Variants in CDC42BPA observed in about 807,000 individuals in gnomAD.
CDC42BPA encodes CDC42 binding protein kinase alpha.
A neutral mutation model predicts 223.5 loss-of-function variants in CDC42BPA; 80 were observed. The observed-to-expected ratio is 0.36, with a 90% CI of 0.30 to 0.43. The LOEUF (loss-of-function observed/expected upper bound fraction) is 0.43. Among genes scored for constraint, CDC42BPA ranks in the 20% least tolerant of loss-of-function variants. The pLI is 1.00. For missense variants in CDC42BPA, 1,743 were observed against 2,099.9 expected (o/e 0.83, Z 3.32); for synonymous variants, 694 against 718.6 (o/e 0.97, Z 0.55).
At chr1:227,059,515 TAAA>T (rs1675356100) in intron 21 of CDC42BPA, 2 of 1,035,702 alleles carry the variant, frequency 1.9e-6, no homozygotes, top group African/African-American at 3.2e-5. Flanking sequence ...AACATACATA[TAAA>T]GCCACAGTTT....
chr1:227,191,875 T>C (rs1669769613), intron 5 of CDC42BPA, among the ~76,000 whole-genome samples: 1 of 151,800 alleles, frequency 6.6e-6, no homozygotes, highest in African/African-American at 2.4e-5. Flanking sequence ...TCCCAACACT[T>C]TGGGAGGCTG....
chr1:227,019,762 AAAG>A (rs1208675939), intron 32 of CDC42BPA, among the ~76,000 whole-genome samples: 4 of 152,208 alleles, frequency 2.6e-5, no homozygotes, highest in African/African-American at 9.6e-5. Flanking sequence ...TAATATTTTG[AAAG>A]AAGTATTACT....
chr1:227,140,555 G>A (rs998033507), intron 9 of CDC42BPA, among the ~76,000 whole-genome samples: 5 of 152,028 alleles, frequency 3.3e-5, no homozygotes, highest in African/African-American at 1.2e-4. Context: ...GCCCAGAAAG[G>A]AGGCCTGTGT....
intron 1 of CDC42BPA, among the ~76,000 whole-genome samples, chr1:227,261,357 C>A (rs1471538032): frequency 1.3e-5 from 2 of 150,748 alleles, no homozygotes; most frequent in East Asian, 3.9e-4. Flanking sequence ...TTCAGGTGAT[C>A]TGCCTGCCTT....
chr1:227,260,690 A>G (rs137903188), intron 1 of CDC42BPA, among the ~76,000 whole-genome samples: 1 of 151,292 alleles, frequency 6.6e-6, no homozygotes, highest in East Asian at 1.9e-4. Flanking sequence ...GGAGCAAGAA[A>G]TTTTAACCTT....
chr1:227,164,680 G>GCATGAGCGCACACACACGTGCA (rs1664712874), intron 5 of CDC42BPA, among the ~76,000 whole-genome samples: 1 of 151,990 alleles, frequency 6.6e-6, no homozygotes, highest in African/African-American at 2.4e-5. Flanking sequence ...AAGTGCGTGC[G>GCATGAGCGCACACACACGTGCA]CATGAGCGCA....
chr1:227,081,091 T>A, intron 16 of CDC42BPA, 74 bp from the exon 17 acceptor site: 1 of 1,484,344 alleles, frequency 6.7e-7, no homozygotes, highest in Non-Finnish European at 9.3e-7. Context: ...TATTGTCAAA[T>A]TTGATTACTC....
At chr1:227,268,659 T>C (rs962436505) in intron 1 of CDC42BPA, among the ~76,000 whole-genome samples, 6 of 146,666 alleles carry the variant, frequency 4.1e-5, no homozygotes, top group African/African-American at 1.5e-4. Flanking sequence ...TGTGTATATA[T>C]ATATATACAT....
At chr1:227,236,782 A>G (rs546665033) in intron 2 of CDC42BPA, among the ~76,000 whole-genome samples, 6 of 152,284 alleles carry the variant, frequency 3.9e-5, no homozygotes, top group African/African-American at 1.4e-4. Context: ...GGCATATCAT[A>G]TAAGGCCGGG....
intron 2 of CDC42BPA, among the ~76,000 whole-genome samples, chr1:227,252,472 T>A (rs2148258031): frequency 6.6e-6 from 1 of 152,156 alleles, no homozygotes; most frequent in East Asian, 1.9e-4. Context: ...AGGAAAAAAA[T>A]AATAACAATC....
rs1661023976 is a variant in CDC42BPA at position 226,993,644 on chromosome 1, ATC to A, written c.*622_*623del. On this transcript the variant is annotated 3_prime_UTR_variant, in exon 37 of 37. Transcript: ENST00000366766. ...ACAACATATTTCTTTAAATTAAATC[ATC>A]TCTCTTATATATGCATCCATCTTTT... The A allele has an allele frequency of 6.6e-6, 1 of 152,622 alleles. No homozygotes were observed. The highest frequency in any genetic ancestry group is 1.5e-5 in the Non-Finnish European group (1 of 68,054). 9.5% of individuals were successfully genotyped at this position (152,622 alleles called of 1,614,324 possible).
At chr1:227,231,027 G>A (rs990154613) in intron 2 of CDC42BPA, among the ~76,000 whole-genome samples, 1 of 151,690 alleles carries the variant, frequency 6.6e-6, no homozygotes, top group South Asian at 2.1e-4. Flanking sequence ...TGGTACATGT[G>A]CACAACGTGC....
intron 19 of CDC42BPA, 150 bp downstream of exon 19, chr1:227,073,714 A>G: frequency 1.7e-6 from 1 of 595,246 alleles, no homozygotes; most frequent in Non-Finnish European, 2.8e-6. Flanking sequence ...TACAAGGCTT[A>G]AAAGCATCTA....
chr1:226,990,034 G>C lies in CDC42BPA; in HGVS notation c.*4234C>G, dbSNP rs1660530556. 6.7e-6 allele frequency: 1 copy of C among 150,372 alleles called. No individual in the cohort carries two copies. The highest frequency in any genetic ancestry group is 1.5e-5 in the Non-Finnish European group (1 of 66,660). The allele number at this position is 150,372 out of a possible 1,614,324, so 9.3% of individuals were successfully genotyped here. A position where few individuals can be genotyped will look rare whatever the true frequency, so the allele number is the denominator to read the frequency against. On this transcript the variant is annotated 3_prime_UTR_variant, in exon 37 of 37. Transcript: ENST00000366766. ...TTGGTAGCAGAGGATCTCTTAAAAA[G>C]TTCCCTAAGACACTGAGGGCATAAA...
intron 35 of CDC42BPA, among the ~76,000 whole-genome samples, chr1:226,997,877 T>C (rs999872029): frequency 1.3e-5 from 2 of 152,176 alleles, no homozygotes; most frequent in African/African-American, 4.8e-5. Flanking sequence ...ATGTGGTCAG[T>C]TTTAGAATAA....
At chr1:227,119,742 ATTC>A (rs1319420137) in intron 12 of CDC42BPA, 59 bp downstream of exon 12, 2 of 1,120,902 alleles carry the variant, frequency 1.8e-6, no homozygotes, top group Non-Finnish European at 2.5e-6. Context: ...TGCTTTCAGT[ATTC>A]TTATTATACA....
chr1:226,994,504 C>T lies in CDC42BPA; in HGVS notation c.5134-105G>A. ...CTCCAGCCACCCTGACCAAATAACC[C>T]CATGGGGCGGCCTCACTGTCGGTAT... On this transcript the variant is annotated intron_variant, in intron 36 of 36. Coordinates refer to ENST00000366766, the MANE Select transcript of CDC42BPA (RefSeq NM_001394014.1). The surrounding 1 kb of genome is among the most constrained non-coding windows in gnomAD (Gnocchi z 4.0). The T allele has an allele frequency of 7.5e-7, 1 of 1,335,508 alleles. No homozygotes were observed. The highest frequency in any genetic ancestry group is 1.6e-5 in the South Asian group (1 of 62,556). The allele number at this position is 1,335,508 out of a possible 1,614,324, so 82.7% of individuals were successfully genotyped here.
At chr1:227,238,552 T>C (rs1256572608) in intron 2 of CDC42BPA, among the ~76,000 whole-genome samples, 4 of 151,858 alleles carry the variant, frequency 2.6e-5, no homozygotes, top group Non-Finnish European at 5.9e-5. Context: ...ACATATGAAC[T>C]GTGAAATCTA....
intron 34 of CDC42BPA, among the ~76,000 whole-genome samples, chr1:227,007,920 A>G (rs1450286770): frequency 6.6e-6 from 1 of 152,178 alleles, no homozygotes; most frequent in Non-Finnish European, 1.5e-5. Flanking sequence ...TGCCCTTTAA[A>G]CATAGAAACC....
Sources: allele counts gnomAD v4.1 joint callset (sites outside exome capture counted in the v4.1 genomes callset), GRCh38; gene constraint gnomAD v4.1.1; non-coding constraint Gnocchi (gnomAD v3.1); transcripts MANE v1.5; gene names NCBI Gene and HGNC (gene_info 2026-07-23, HGNC 2026-07-21).